The following C10orf90 variants were observed in gnomAD, a reference collection of about 807,000 sequenced individuals.
C10orf90 encodes chromosome 10 open reading frame 90, also known as (E2-independent) E3 ubiquitin-conjugating enzyme FATS.
A neutral mutation model predicts 62.5 loss-of-function variants in C10orf90; 56 were observed. The observed-to-expected ratio is 0.90, with a 90% CI of 0.72 to 1.12. C10orf90 has a LOEUF of 1.12. Ranked by LOEUF, C10orf90 falls within the 50% of genes most tolerant of loss-of-function variation. C10orf90 has a pLI of 0.00. For synonymous variants in C10orf90, 386 were observed against 340.4 expected, an observed-to-expected ratio of 1.13 and a Z score of -1.47; for missense variants, 970 against 880.4, an observed-to-expected ratio of 1.10 and a Z score of -1.29.
chr10:126,560,296 C>A (rs1864872364), intron 2 of C10orf90, among the ~76,000 whole-genome samples: 1 of 152,178 alleles, frequency 6.6e-6, no homozygotes, highest in African/African-American at 2.4e-5. Flanking sequence ...CATTCACTTG[C>A]AATAGGAGGA....
chr10:126,521,254 A>C, intron 2 of C10orf90: 1 of 1,598,640 alleles, frequency 6.3e-7, no homozygotes, highest in African/African-American at 1.3e-5. Flanking sequence ...AGATTACTTT[A>C]TATTTTAATA....
At chr10:126,523,652 G>A (rs1251940755) in intron 2 of C10orf90, 1 of 152,142 alleles carries the variant, frequency 6.6e-6, no homozygotes, top group Non-Finnish European at 1.5e-5. Flanking sequence ...TTCCTAACAT[G>A]CAAGCATTAC....
At chr10:126,436,156 C>G (rs1328822469) in intron 7 of C10orf90, among the ~76,000 whole-genome samples, 2 of 152,134 alleles carry the variant, frequency 1.3e-5, no homozygotes, top group Non-Finnish European at 2.9e-5. Context: ...GGATCAGAGA[C>G]TCTCAAACTA....
intron 4 of C10orf90, among the ~76,000 whole-genome samples, chr10:126,497,460 C>T (rs1281994431): frequency 6.6e-6 from 1 of 152,172 alleles, no homozygotes; most frequent in African/African-American, 2.4e-5. Context: ...CGCTTCTTCA[C>T]CACGTTCTAA....
rs529319620 is a variant in C10orf90, at chr10:126,582,429, C to A, written c.313+64136G>T. Among the ~76,000 whole-genome samples the A allele has an allele frequency of 3.3e-5, 5 of 152,282 alleles. No homozygotes were observed. The South Asian group carries it at 1.0e-3, about 32-fold the overall frequency. On this transcript the variant is annotated intron_variant, in intron 2 of 9. Coordinates refer to ENST00000488181, the MANE Select transcript of C10orf90 (RefSeq NM_001350921.2). ...TTGAAACCTAAGGACACTTATGAAGCCCGCATGGAAGTGTGGAAAACAAGG... is the reference window on the plus strand; with the variant it reads ...TTGAAACCTAAGGACACTTATGAAGACCGCATGGAAGTGTGGAAAACAAGG...
At chr10:126,580,365 A>T (rs1172119055) in intron 2 of C10orf90, among the ~76,000 whole-genome samples, 1 of 152,160 alleles carries the variant, frequency 6.6e-6, no homozygotes, top group Non-Finnish European at 1.5e-5. Flanking sequence ...GTTTAAAAAG[A>T]CATTAAGAGG....
At chr10:126,598,674 G>A (rs1427136448) in intron 2 of C10orf90, among the ~76,000 whole-genome samples, 2 of 152,062 alleles carry the variant, frequency 1.3e-5, no homozygotes, top group Non-Finnish European at 2.9e-5. Flanking sequence ...CTGCTCTTTA[G>A]GAAGGAAGCA....
chr10:126,441,217 C>T (rs1203987255), intron 7 of C10orf90, among the ~76,000 whole-genome samples: 1 of 152,042 alleles, frequency 6.6e-6, no homozygotes, highest in Admixed American at 6.6e-5. Context: ...AAACTTTGGA[C>T]ACACTTATAG....
chr10:126,598,776 T>C (rs1845135817), intron 2 of C10orf90, among the ~76,000 whole-genome samples: 1 of 152,178 alleles, frequency 6.6e-6, no homozygotes, highest in Non-Finnish European at 1.5e-5. Flanking sequence ...ATGAGTTTAC[T>C]AGGGAATATT....
rs373807226 is a variant in C10orf90, at chr10:126,449,006, AGAG to A, written c.2188+10031_2188+10033del. ...TCTCAAACTCTTTCAAAAAAATTGA[AGAG>A]GAGGGAATACTTCCAAATTCATTTT... On this transcript the variant is annotated intron_variant, in intron 7 of 9. Transcript: ENST00000488181. 3.0e-4 allele frequency among the ~76,000 whole-genome samples: 45 copies of A among 152,332 alleles called. No individual in the cohort carries two copies. In the South Asian group the frequency reaches 9.1e-3, roughly 31 times the overall value.
chr10:126,620,369 A>G (rs1009751623), intron 2 of C10orf90, among the ~76,000 whole-genome samples: 1 of 152,280 alleles, frequency 6.6e-6, no homozygotes, highest in African/African-American at 2.4e-5. Context: ...CTACACCTGC[A>G]AGTCTGTGGC....
rs575508805 is a variant in C10orf90 at position 126,504,154 on chromosome 10, G to A, written c.1337C>T (p.Ser446Leu). The A allele has an allele frequency of 1.2e-6, 2 of 1,614,130 alleles. No homozygotes were observed. The highest frequency in any genetic ancestry group is 1.7e-5 in the Admixed American group (1 of 60,012). The stretch of plus-strand genomic sequence containing the variant: ...GGTCCCCAAATGCACCCGCCTCAAC[G>A]ATGGGGTTTCCTTCAAGTGACTTTC... The part of the protein sequence containing the change: ...LQESHLKETP[S>L]LRRVHLGTGA... The change falls in exon 4 of 10, where the codon TCG becomes TTG. Residue 446 changes from serine to leucine, a missense_variant. Transcript: ENST00000488181. This position sits in a 1 kb window ranked among gnomAD's most constrained non-coding sequence, Gnocchi z 4.1.
Position 126,452,778 on chromosome 10 carries a change from G to A in C10orf90, c.2188+6262C>T, listed in dbSNP as rs567801723. 1.4e-3 allele frequency among the ~76,000 whole-genome samples: 206 copies of A among 152,310 alleles called. 1 individual carries two copies. The highest frequency in any genetic ancestry group is 2.4e-3 in the Non-Finnish European group (165 of 68,014). ...TGAATGTCTTTGAATTGGGGAAACAGCCTTTTCAGTAATTCATGCTTCCTG... is the reference window on the plus strand; with the variant it reads ...TGAATGTCTTTGAATTGGGGAAACAACCTTTTCAGTAATTCATGCTTCCTG... On this transcript the variant is annotated intron_variant, in intron 7 of 9. Coordinates refer to ENST00000488181, the MANE Select transcript of C10orf90 (RefSeq NM_001350921.2).
At chr10:126,554,703 A>C (rs1169624313) in intron 2 of C10orf90, among the ~76,000 whole-genome samples, 2 of 152,212 alleles carry the variant, frequency 1.3e-5, no homozygotes, top group African/African-American at 2.4e-5. Context: ...CTGCAGAGGC[A>C]GTACAATATT....
At chr10:126,565,246 T>TA (rs1844334995) in intron 2 of C10orf90, among the ~76,000 whole-genome samples, 3 of 32,514 alleles carry the variant, frequency 9.2e-5, no homozygotes, top group African/African-American at 2.9e-4. Context: ...TAATATAATA[T>TA]TTATTATATT....
intron 1 of C10orf90, among the ~76,000 whole-genome samples, chr10:126,667,036 A>C (rs1418397447): frequency 6.7e-6 from 1 of 149,902 alleles, no homozygotes; most frequent in Non-Finnish European, 1.5e-5. Context: ...CTACTGGCTA[A>C]ACCCAATTTT....
chr10:126,615,902 T>C (rs961618462), intron 2 of C10orf90, among the ~76,000 whole-genome samples: 1 of 152,214 alleles, frequency 6.6e-6, no homozygotes, highest in Non-Finnish European at 1.5e-5. Context: ...CTATTTCCAA[T>C]TTGGCCACTT....
chr10:126,435,138 C>T (rs956415328), intron 7 of C10orf90, among the ~76,000 whole-genome samples: 1 of 152,220 alleles, frequency 6.6e-6, no homozygotes, highest in Non-Finnish European at 1.5e-5. Context: ...TAAGTGGAAG[C>T]CACACAGTTG....
intron 2 of C10orf90, among the ~76,000 whole-genome samples, chr10:126,575,744 T>G (rs1010012482): frequency 5.9e-5 from 9 of 151,932 alleles, no homozygotes; most frequent in Admixed American, 5.9e-4. Flanking sequence ...CATAGACCCA[T>G]GAAACAATAG....
Sources: gnomAD v4.1 joint callset for allele counts (sites outside exome capture counted in the v4.1 genomes callset) on GRCh38, gnomAD v4.1.1 for gene constraint, Gnocchi (gnomAD v3.1) non-coding constraint, MANE v1.5 for transcripts, NCBI Gene and HGNC (gene_info 2026-07-23, HGNC 2026-07-21) for gene names.